INPP4B: variants seen among roughly 807,000 people sequenced by gnomAD.
INPP4B encodes the protein inositol polyphosphate-4-phosphatase type II B, also known as inositol polyphosphate 4-phosphatase type II.
In INPP4B, 55 loss-of-function variants were observed where a neutral mutation model predicts 122.5. That is an observed-to-expected ratio of 0.45 (90% CI 0.36 to 0.56). The LOEUF (loss-of-function observed/expected upper bound fraction) is 0.56. INPP4B is among the 20% of genes least tolerant of loss of function. The probability of loss-of-function intolerance (pLI) is 0.00; values close to 1 mark genes in which losing one functional copy is unlikely to be tolerated. For synonymous variants in INPP4B, 403 were observed against 388.7 expected, an observed-to-expected ratio of 1.04 and a Z score of -0.43; for missense variants, 1,000 against 1,097.7, an observed-to-expected ratio of 0.91 and a Z score of 1.26.
At chr4:142,442,891 G>A (rs1171239357) in intron 3 of INPP4B, among the ~76,000 whole-genome samples, 1 of 152,156 alleles carries the variant, frequency 6.6e-6, no homozygotes, top group African/African-American at 2.4e-5. Context: ...ATGGTGGAAG[G>A]CAAAGAAGAA....
At chr4:142,485,957 T>TC in intron 2 of INPP4B, among the ~76,000 whole-genome samples, 1 of 152,286 alleles carries the variant, frequency 6.6e-6, no homozygotes, top group East Asian at 1.9e-4. Context: ...GAGATCTGGC[T>TC]GACAGAGTGC....
intron 2 of INPP4B, among the ~76,000 whole-genome samples, chr4:142,533,586 T>A (rs1352196891): frequency 2.6e-5 from 4 of 152,140 alleles, no homozygotes. Context: ...CAATTACTCA[T>A]CATAATTACT....
At chr4:142,421,084 A>C (rs1158360156) in intron 5 of INPP4B, among the ~76,000 whole-genome samples, 1 of 152,132 alleles carries the variant, frequency 6.6e-6, no homozygotes, top group Non-Finnish European at 1.5e-5. Flanking sequence ...AGAGTAGCAA[A>C]GATAGGATTC....
In INPP4B at chr4:142,812,031, C is replaced by T. The variant is rs145272026; in HGVS notation, c.-254+34178G>A. On this transcript the variant is annotated intron_variant, in intron 1 of 25. Transcript: ENST00000262992. ...AGAATCTCCTAAGCATAAGGCACCACGAGAATTGCATGGATGTATGAAGAT... is the reference window on the plus strand; with the variant it reads ...AGAATCTCCTAAGCATAAGGCACCATGAGAATTGCATGGATGTATGAAGAT... Among the ~76,000 whole-genome samples, 6 of 152,176 alleles carry T rather than the reference C, an allele frequency of 3.9e-5. No individual in the cohort carries two copies. In the East Asian group the frequency reaches 7.7e-4, roughly 20 times the overall value.
intron 2 of INPP4B, among the ~76,000 whole-genome samples, chr4:142,652,456 T>C (rs150481903): frequency 0.028 from 4,340 of 152,298 alleles, 78 homozygotes; most frequent in Non-Finnish European, 0.041. Context: ...GACATGATTG[T>C]ATATTTAGAA....
intron 18 of INPP4B, among the ~76,000 whole-genome samples, chr4:142,128,406 C>T (rs898288021): frequency 2.0e-4 from 30 of 151,360 alleles, no homozygotes. Flanking sequence ...TTTTATAAAC[C>T]TAGTGAAGCT....
chr4:142,419,105 G>A (rs1451114227), intron 5 of INPP4B, among the ~76,000 whole-genome samples: 1 of 152,098 alleles, frequency 6.6e-6, no homozygotes, highest in African/African-American at 2.4e-5. Context: ...AGTGGATGGT[G>A]GTGTGCTTTA....
intron 7 of INPP4B, among the ~76,000 whole-genome samples, chr4:142,366,295 C>T (rs763201544): frequency 2.6e-4 from 39 of 151,194 alleles, no homozygotes; most frequent in Non-Finnish European, 5.5e-4. Context: ...CGGACTCAGC[C>T]GGCCTGCACC....
At chr4:142,070,903 CA>C (rs1269631695) in intron 25 of INPP4B, among the ~76,000 whole-genome samples, 1 of 152,054 alleles carries the variant, frequency 6.6e-6, no homozygotes, top group East Asian at 1.9e-4. Flanking sequence ...TGAAAATGGC[CA>C]TACTGCCCAA....
chr4:142,242,067 T>G (rs1056821033), intron 11 of INPP4B, among the ~76,000 whole-genome samples: 7 of 152,228 alleles, frequency 4.6e-5, no homozygotes, highest in African/African-American at 1.7e-4. Flanking sequence ...TTCAGCTAAA[T>G]GTATCTATAT....
rs182350085 is a variant in INPP4B, at chr4:142,688,149, A to G, written c.-191+37690T>C. 2.5e-4 allele frequency among the ~76,000 whole-genome samples: 38 copies of G among 152,252 alleles called. No homozygotes were observed. The East Asian group carries it at 7.4e-3, about 30-fold the overall frequency. On this transcript the variant is annotated intron_variant, in intron 2 of 25. Transcript: ENST00000262992. ...TTATGATTATTTTAGTTTTCTCTTT[A>G]TAACACTTTCCAGATTCACTTCATC...
At chr4:142,038,521 A>G (rs1745348479) in intron 25 of INPP4B, among the ~76,000 whole-genome samples, 1 of 152,184 alleles carries the variant, frequency 6.6e-6, no homozygotes, top group Non-Finnish European at 1.5e-5. Context: ...CACTCATGGG[A>G]GTTGTGAGTT....
chr4:142,734,398 G>A (rs1766520397), intron 1 of INPP4B, among the ~76,000 whole-genome samples: 1 of 152,162 alleles, frequency 6.6e-6, no homozygotes, highest in East Asian at 1.9e-4. Flanking sequence ...TTATATAAAA[G>A]TGGGAGGAAA....
chr4:142,080,639 C>T (rs916239478), intron 25 of INPP4B, among the ~76,000 whole-genome samples: 2 of 152,036 alleles, frequency 1.3e-5, no homozygotes, highest in East Asian at 3.9e-4. Flanking sequence ...AAATATATTG[C>T]CTTTATTTAC....
intron 1 of INPP4B, among the ~76,000 whole-genome samples, chr4:142,821,231 T>C (rs1440180353): frequency 6.6e-6 from 1 of 152,106 alleles, no homozygotes; most frequent in Non-Finnish European, 1.5e-5. Flanking sequence ...TACTATTTAT[T>C]ACACTCTCTT....
chr4:142,360,342 C>G (rs1579842792), intron 7 of INPP4B, among the ~76,000 whole-genome samples: 2 of 151,868 alleles, frequency 1.3e-5, no homozygotes. Context: ...TTATTTAGTA[C>G]TTTGTTTTGT....
At chr4:142,631,921 G>T (rs1212860205) in intron 2 of INPP4B, among the ~76,000 whole-genome samples, 1 of 151,954 alleles carries the variant, frequency 6.6e-6, no homozygotes, top group African/African-American at 2.4e-5. Flanking sequence ...ACAGAAGCAT[G>T]GTTGTGAAAG....
rs1757407293 is a variant in INPP4B at position 142,674,262 on chromosome 4, T to C, written c.-191+51577A>G. Among the ~76,000 whole-genome samples, 4 of 152,114 alleles carry C rather than the reference T, an allele frequency of 2.6e-5. No homozygotes were observed. In the South Asian group the frequency reaches 8.3e-4, roughly 31 times the overall value. ...AGTACTTTCCAATAAACTTCCTGAA[T>C]GTAAATCTGCTCAGAATCTGTTTCC... is the stretch of plus-strand genomic sequence containing the variant. On this transcript the variant is annotated intron_variant, in intron 2 of 25. Transcript: ENST00000262992.
intron 2 of INPP4B, among the ~76,000 whole-genome samples, chr4:142,490,550 A>C (rs1560716757): frequency 6.6e-6 from 1 of 152,182 alleles, no homozygotes. Flanking sequence ...CATAATTATC[A>C]TTTTTTGTGG....
Sources: gnomAD v4.1 joint callset for allele counts (sites outside exome capture counted in the v4.1 genomes callset) on GRCh38, gnomAD v4.1.1 for gene constraint, MANE v1.5 for transcripts, NCBI Gene and HGNC (gene_info 2026-07-23, HGNC 2026-07-21) for gene names.